ESRRG: variants seen among roughly 807,000 people sequenced by gnomAD.
The protein encoded by ESRRG is estrogen-related receptor gamma.
Under a neutral mutation model 44.0 loss-of-function variants are expected in ESRRG, and 13 were observed. That is an observed-to-expected ratio of 0.30 (90% CI 0.19 to 0.47). ESRRG has a LOEUF of 0.47. ESRRG is among the 20% of genes least tolerant of loss of function. ESRRG has a pLI of 1.00. For synonymous variants in ESRRG, 215 were observed against 214.6 expected (o/e 1.00, Z -0.02); for missense variants, 395 against 580.6 (o/e 0.68, Z 3.29).
At chr1:216,765,381 T>G (rs764913377) in intron 2 of ESRRG, among the ~76,000 whole-genome samples, 1 of 152,112 alleles carries the variant, frequency 6.6e-6, no homozygotes, top group Non-Finnish European at 1.5e-5. Flanking sequence ...AGTTGTTGGA[T>G]GCTCACAACA....
At chr1:216,820,613 T>C (rs907725899) in intron 2 of ESRRG, among the ~76,000 whole-genome samples, 1 of 152,228 alleles carries the variant, frequency 6.6e-6, no homozygotes, top group African/African-American at 2.4e-5. Flanking sequence ...AACCAAGATG[T>C]GTCAACCCAC....
chr1:217,092,765 A>G (rs1234471641), upstream of ESRRG, among the ~76,000 whole-genome samples: 11 of 152,254 alleles, frequency 7.2e-5, no homozygotes, highest in Admixed American at 7.2e-4. Context: ...TAAGTACAAC[A>G]CTGGCTCTCA....
At chr1:216,921,301 T>G (rs539506921) in intron 2 of ESRRG, among the ~76,000 whole-genome samples, 1 of 152,252 alleles carries the variant, frequency 6.6e-6, no homozygotes, top group East Asian at 1.9e-4. Flanking sequence ...AGTACTTAAC[T>G]GAACTTACTC....
chr1:217,133,645 C>CTCTCTCTCTCCTTTCTTTCTT, intron 1 of ESRRG, among the ~76,000 whole-genome samples: 1 of 91,814 alleles, frequency 1.1e-5, no homozygotes. Context: ...CTCTCTCTCT[C>CTCTCTCTCTCCTTTCTTTCTT]TCTTTCTTTC....
chr1:216,915,252 G>T (rs111589129), intron 2 of ESRRG, among the ~76,000 whole-genome samples: 1 of 152,154 alleles, frequency 6.6e-6, no homozygotes, highest in Non-Finnish European at 1.5e-5. Context: ...AGAAGACAAA[G>T]AAGATACATA....
At chr1:217,021,319 G>A (rs189699201) in intron 1 of ESRRG, among the ~76,000 whole-genome samples, 1 of 152,114 alleles carries the variant, frequency 6.6e-6, no homozygotes, top group Non-Finnish European at 1.5e-5. Context: ...GGGTTAATGG[G>A]ACAGAATGGA....
chr1:216,526,468 A>G (rs780734004), intron 5 of ESRRG, among the ~76,000 whole-genome samples: 28 of 152,158 alleles, frequency 1.8e-4, no homozygotes, highest in Non-Finnish European at 3.8e-4. Context: ...ACCAGAAGCC[A>G]GGAGAGACAG....
chr1:216,582,903 G>A (rs72737309), intron 3 of ESRRG, among the ~76,000 whole-genome samples: 21,566 of 152,130 alleles, frequency 0.14, 2,051 homozygotes, highest in Non-Finnish European at 0.21. Flanking sequence ...CTTAGGGTTT[G>A]TCAATCCTAG....
intron 2 of ESRRG, among the ~76,000 whole-genome samples, chr1:216,799,327 T>G (rs981089658): frequency 6.6e-6 from 1 of 152,158 alleles, no homozygotes; most frequent in Non-Finnish European, 1.5e-5. Flanking sequence ...TGGTCCTGTC[T>G]TGCTTCTTCT....
intron 2 of ESRRG, among the ~76,000 whole-genome samples, chr1:216,823,407 G>T (rs567691380): frequency 1.3e-5 from 2 of 152,026 alleles, no homozygotes; most frequent in Non-Finnish European, 2.9e-5. Context: ...TCTTTGTTTT[G>T]TTTTCTTTGT....
chr1:216,519,573 C>T (rs1052696505), intron 5 of ESRRG, 152 bp from the exon 6 acceptor site: 27 of 700,498 alleles, frequency 3.9e-5, no homozygotes, highest in East Asian at 1.1e-4. Context: ...GATCACTTTG[C>T]GAACAGCAAA....
At chr1:216,736,441 C>T (rs1462863864) in intron 2 of ESRRG, among the ~76,000 whole-genome samples, 1 of 152,044 alleles carries the variant, frequency 6.6e-6, no homozygotes, top group Non-Finnish European at 1.5e-5. Context: ...CCTCGGCCTC[C>T]CAAAGTGCTG....
At chr1:216,652,365 A>C (rs2069212906) in intron 2 of ESRRG, among the ~76,000 whole-genome samples, 2 of 152,200 alleles carry the variant, frequency 1.3e-5, no homozygotes, top group African/African-American at 4.8e-5. Flanking sequence ...ACGTCTCCTC[A>C]TTAAATATCA....
chr1:216,885,358 A>G (rs979905385), intron 2 of ESRRG, among the ~76,000 whole-genome samples: 6 of 152,178 alleles, frequency 3.9e-5, no homozygotes, highest in African/African-American at 1.4e-4. Context: ...TGTACAGAAC[A>G]ATGAGATGGA....
At chr1:217,130,671 T>C (rs2102533818) in intron 1 of ESRRG, among the ~76,000 whole-genome samples, 1 of 152,354 alleles carries the variant, frequency 6.6e-6, no homozygotes, top group Middle Eastern at 3.4e-3. Context: ...AAATGTTTGA[T>C]TAAAAATAAT....
intron 2 of ESRRG, among the ~76,000 whole-genome samples, chr1:216,895,083 T>C (rs1381108208): frequency 6.6e-6 from 1 of 152,174 alleles, no homozygotes; most frequent in Non-Finnish European, 1.5e-5. Flanking sequence ...AGAAATATGC[T>C]TTTTTCTTTT....
chr1:216,956,020 A>C (rs1325262666), intron 1 of ESRRG, among the ~76,000 whole-genome samples: 1 of 151,974 alleles, frequency 6.6e-6, no homozygotes, highest in African/African-American at 2.4e-5. Context: ...TGACTTCATA[A>C]ATTGTTTCCT....
chr1:217,133,641 CTCTCTCTTTCTTTCTTTCTT>C lies in ESRRG; in HGVS notation c.-230+4006_-230+4025del, dbSNP rs2093000890. ...TCTTTCTTTCTTTCTTTCTCTCTCT[CTCTCTCTTTCTTTCTTTCTT>C]TCTTTCTTTCTTTCTTTCTTTCTAA... On this transcript the variant is annotated intron_variant, in intron 1 of 8. Coordinates refer to the ESRRG transcript ENST00000366940. Among the ~76,000 whole-genome samples the C allele has an allele frequency of 5.8e-3, 242 of 41,782 alleles. 1 individual carries two copies. The highest frequency in any genetic ancestry group is 0.013 in the Middle Eastern group (1 of 80). 27.4% of individuals were successfully genotyped at this position (41,782 alleles called of 152,430 possible).
At chr1:216,573,699 C>G (rs1272131270) in intron 3 of ESRRG, among the ~76,000 whole-genome samples, 1 of 151,560 alleles carries the variant, frequency 6.6e-6, no homozygotes, top group African/African-American at 2.4e-5. Flanking sequence ...CCTCCCATCA[C>G]TAATAATATT....
Sources: gnomAD v4.1 joint callset for allele counts (sites outside exome capture counted in the v4.1 genomes callset) on GRCh38, gnomAD v4.1.1 for gene constraint, MANE v1.5 for transcripts, NCBI Gene and HGNC (gene_info 2026-07-23, HGNC 2026-07-21) for gene names.